The following LRCH3 variants were observed in gnomAD, a reference collection of about 807,000 sequenced individuals.
LRCH3 encodes DISP complex protein LRCH3.
A neutral mutation model predicts 104.5 loss-of-function variants in LRCH3; 68 were observed. That is an observed-to-expected ratio of 0.65 (90% CI 0.54 to 0.80). LRCH3 has a LOEUF of 0.80. Ranked by LOEUF, LRCH3 falls within the 30% of genes least tolerant of loss-of-function variation. The probability of loss-of-function intolerance (pLI) is 0.00; values close to 1 mark genes in which losing one functional copy is unlikely to be tolerated. For synonymous variants in LRCH3, 344 were observed against 361.3 expected, an observed-to-expected ratio of 0.95 and a Z score of 0.54; for missense variants, 951 against 953.9, an observed-to-expected ratio of 1.00 and a Z score of 0.04.
At chr3:197,830,042 A>C (rs1735723767) in intron 6 of LRCH3, among the ~76,000 whole-genome samples, 1 of 152,194 alleles carries the variant, frequency 6.6e-6, no homozygotes, top group Admixed American at 6.5e-5. Flanking sequence ...GGTCTGAGTG[A>C]CTTGAACGCT....
chr3:197,863,985 C>T (rs1458068623), intron 15 of LRCH3, among the ~76,000 whole-genome samples: 2 of 152,130 alleles, frequency 1.3e-5, no homozygotes, highest in Non-Finnish European at 2.9e-5. Flanking sequence ...TTAGGAAGAG[C>T]TTGTTAAATA....
rs1309623990 is a variant in LRCH3, at chr3:197,885,151, A to G, written c.*1485A>G. ...TTCCAAATTCTGAAGCTGATAGCGC[A>G]CTTGGTCTCACTGAGCCTCCCTCCC... On this transcript the variant is annotated 3_prime_UTR_variant, in exon 21 of 21. Coordinates refer to ENST00000425562, the MANE Select transcript of LRCH3 (RefSeq NM_001365715.1). The G allele has an allele frequency of 6.6e-6, 1 of 152,276 alleles. No individual in the cohort carries two copies. The highest frequency in any genetic ancestry group is 6.5e-5 in the Admixed American group (1 of 15,282). The allele number at this position is 152,276 out of a possible 1,614,324, so 9.4% of individuals were successfully genotyped here.
At chr3:197,794,049 A>G (rs1405697513) in intron 1 of LRCH3, among the ~76,000 whole-genome samples, 3 of 152,220 alleles carry the variant, frequency 2.0e-5, no homozygotes, top group Non-Finnish European at 4.4e-5. Flanking sequence ...CCCACTTTAC[A>G]TGTGAGGGAT....
At chr3:197,855,666 C>A (rs1740150540) in intron 14 of LRCH3, among the ~76,000 whole-genome samples, 3 of 152,186 alleles carry the variant, frequency 2.0e-5, no homozygotes, top group Admixed American at 1.3e-4. Context: ...TGGTATAAGT[C>A]TGAGTGCCAA....
rs577043785 is a variant in LRCH3, at chr3:197,835,671, C to A, written c.1103-3C>A. 1 of 1,610,952 alleles carries A rather than the reference C, an allele frequency of 6.2e-7. No homozygotes were observed. Among genetic ancestry groups the A allele is most frequent in the South Asian group, 1.1e-5 (1 of 90,804 alleles). ...TGTGTGGGTGTGTGTGTGGTGTATA[C>A]AGTGGAACATGATCTGGATCAGATT... On this transcript the variant is annotated splice_region_variant and splice_polypyrimidine_tract_variant and intron_variant, in intron 8 of 20. Transcript: ENST00000425562.
At chr3:197,796,627 T>C (rs1332286736) in intron 1 of LRCH3, among the ~76,000 whole-genome samples, 1 of 152,210 alleles carries the variant, frequency 6.6e-6, no homozygotes, top group Non-Finnish European at 1.5e-5. Context: ...TGTGTGTCTA[T>C]ATATAACATG....
intron 1 of LRCH3, among the ~76,000 whole-genome samples, chr3:197,795,686 GTTTTTTTTTTTTT>G (rs1167369678): frequency 3.0e-5 from 2 of 65,818 alleles, no homozygotes; most frequent in Admixed American, 2.3e-4. Flanking sequence ...AAAAGTTGTT[GTTTTTTTTTTTTT>G]TTTTTTTTTT....
intron 12 of LRCH3, 100 bp downstream of exon 12, chr3:197,848,121 A>G (rs560785839): frequency 6.6e-6 from 8 of 1,206,260 alleles, no homozygotes; most frequent in Admixed American, 4.8e-5. Flanking sequence ...AATGTCGACC[A>G]TTTTTCTCTC....
chr3:197,819,124 TG>T (rs1000940123), intron 3 of LRCH3, among the ~76,000 whole-genome samples: 2 of 146,680 alleles, frequency 1.4e-5, no homozygotes, highest in Non-Finnish European at 3.0e-5. Context: ...AGATTCCGTC[TG>T]GGAAAAAAAA....
chr3:197,851,583 G>C (rs765210166), intron 12 of LRCH3, among the ~76,000 whole-genome samples: 3 of 152,148 alleles, frequency 2.0e-5, no homozygotes, highest in Non-Finnish European at 4.4e-5. Context: ...CTTGCCGTGC[G>C]CTTGACTTTC....
intron 20 of LRCH3, 55 bp downstream of exon 20, chr3:197,875,830 T>G: frequency 8.6e-7 from 1 of 1,159,116 alleles, no homozygotes; most frequent in Non-Finnish European, 1.2e-6. Context: ...GTCCTAAAAT[T>G]TTAGAAATGT....
At position 197,883,689 on chromosome 3, in the gene LRCH3, T is replaced by C. The variant is rs1210329898; in HGVS notation, c.*23T>C. On this transcript the variant is annotated 3_prime_UTR_variant, in exon 21 of 21. Coordinates refer to ENST00000425562, the MANE Select transcript of LRCH3 (RefSeq NM_001365715.1). The surrounding 1 kb of genome is among the most constrained non-coding windows in gnomAD (Gnocchi z 4.2). ...TGAGGATCCCCAGGACGGTGGGCAC[T>C]GGCCTGGCCAAAACAAGGAACAGGA... The C allele has an allele frequency of 1.3e-6, 2 of 1,530,822 alleles. No individual in the cohort carries two copies. Among genetic ancestry groups the C allele is most frequent in the South Asian group, 2.4e-5 (2 of 83,250 alleles). The allele number at this position is 1,530,822 out of a possible 1,614,324, so 94.8% of individuals were successfully genotyped here.
intron 8 of LRCH3, among the ~76,000 whole-genome samples, chr3:197,835,067 G>A (rs562376684): frequency 3.4e-4 from 52 of 152,210 alleles, no homozygotes; most frequent in East Asian, 1.9e-4. Context: ...TCGCTTGAAC[G>A]TGAGAAGCAG....
In LRCH3 at chr3:197,810,308, G is replaced by A. The variant is rs948962687; in HGVS notation, c.263-4600G>A. Among the ~76,000 whole-genome samples, 3 of 151,970 alleles carry A rather than the reference G, an allele frequency of 2.0e-5. No individual in the cohort carries two copies. Among genetic ancestry groups the A allele is most frequent in the Non-Finnish European group, 2.9e-5 (2 of 67,980 alleles). ...AGTAGCTGAGATTACAGGTGCTCACGACCATGCCCAGCTTATTTTTGTATT... is the reference window on the plus strand; with the variant it reads ...AGTAGCTGAGATTACAGGTGCTCACAACCATGCCCAGCTTATTTTTGTATT... On this transcript the variant is annotated intron_variant, in intron 1 of 20. Coordinates refer to ENST00000425562, the MANE Select transcript of LRCH3 (RefSeq NM_001365715.1). This position sits in a 1 kb window ranked among gnomAD's most constrained non-coding sequence, Gnocchi z 4.0.
intron 1 of LRCH3, among the ~76,000 whole-genome samples, chr3:197,795,686 GTTT>G (rs1167369678): frequency 6.0e-3 from 396 of 65,746 alleles, no homozygotes; most frequent in African/African-American, 0.02. Flanking sequence ...AAAAGTTGTT[GTTT>G]TTTTTTTTTT....
At chr3:197,842,999 C>A (rs562930357) in intron 10 of LRCH3, among the ~76,000 whole-genome samples, 1 of 150,424 alleles carries the variant, frequency 6.6e-6, no homozygotes, top group Non-Finnish European at 1.5e-5. Context: ...GCAGGAGAAT[C>A]GCTTGAACCC....
At chr3:197,880,095 G>A (rs1030391639) in intron 20 of LRCH3, among the ~76,000 whole-genome samples, 70 of 151,070 alleles carry the variant, frequency 4.6e-4, no homozygotes, top group East Asian at 1.4e-3. Flanking sequence ...ACAGGCGCCC[G>A]CCACCACGCC....
chr3:197,803,044 C>CTAAG (rs1732071820), intron 1 of LRCH3, among the ~76,000 whole-genome samples: 1 of 152,146 alleles, frequency 6.6e-6, no homozygotes, highest in Non-Finnish European at 1.5e-5. Flanking sequence ...GTTACATGTG[C>CTAAG]TAAGAGTTGT....
At chr3:197,865,362 TA>T in intron 15 of LRCH3, 60 bp from the exon 16 acceptor site, 1 of 1,191,966 alleles carries the variant, frequency 8.4e-7, no homozygotes, top group Non-Finnish European at 1.2e-6. Context: ...AAAATTACCA[TA>T]AAAGTAGAAA....
Sources: gnomAD v4.1 joint callset for allele counts (sites outside exome capture counted in the v4.1 genomes callset) on GRCh38, gnomAD v4.1.1 for gene constraint, Gnocchi (gnomAD v3.1) non-coding constraint, MANE v1.5 for transcripts, NCBI Gene and HGNC (gene_info 2026-07-23, HGNC 2026-07-21) for gene names.